ELAVL2: variants seen among roughly 807,000 people sequenced by gnomAD.
ELAVL2 encodes ELAV-like protein 2.
In ELAVL2, 4 loss-of-function variants were observed where a neutral mutation model predicts 34.6. The observed-to-expected ratio is 0.12, with a 90% CI of 0.06 to 0.26. ELAVL2 has a LOEUF of 0.26. Among genes scored for constraint, ELAVL2 ranks in the 10% least tolerant of loss-of-function variants. ELAVL2 has a pLI of 1.00. For missense variants in ELAVL2, 432 were observed against 442.8 expected (o/e 0.98, Z 0.22); for synonymous variants, 193 against 154.8 (o/e 1.25, Z -1.83).
At chr9:23,825,446 C>T (rs1306007310) in intron 1 of ELAVL2, among the ~76,000 whole-genome samples, 1 of 152,118 alleles carries the variant, frequency 6.6e-6, no homozygotes, top group Non-Finnish European at 1.5e-5. Flanking sequence ...GTTGCTGAGC[C>T]AAAGTAGAGG....
intron 1 of ELAVL2, among the ~76,000 whole-genome samples, chr9:23,811,194 GA>G (rs945046568): frequency 6.6e-6 from 1 of 151,992 alleles, no homozygotes; most frequent in Non-Finnish European, 1.5e-5. Context: ...AACTGTTTGG[GA>G]AAAAATTTTT....
At chr9:23,714,593 T>C (rs2041834880) in intron 3 of ELAVL2, among the ~76,000 whole-genome samples, 1 of 152,234 alleles carries the variant, frequency 6.6e-6, no homozygotes, top group South Asian at 2.1e-4. Flanking sequence ...AACCTCTCAC[T>C]ACCTCAATTC....
chr9:23,842,831 A>C, the ELAVL2 span, among the ~76,000 whole-genome samples: 1 of 152,132 alleles, frequency 6.6e-6, no homozygotes, highest in Non-Finnish European at 1.5e-5. Context: ...CACTGGCTAC[A>C]TATCAGTGTT....
intron 4 of ELAVL2, among the ~76,000 whole-genome samples, chr9:23,702,144 G>C (rs2037477569): frequency 6.6e-6 from 1 of 152,132 alleles, no homozygotes; most frequent in South Asian, 2.1e-4. Flanking sequence ...TAATAATATT[G>C]CATAGGATAT....
chr9:23,786,650 T>C (rs1250686261), intron 1 of ELAVL2, among the ~76,000 whole-genome samples: 1 of 151,972 alleles, frequency 6.6e-6, no homozygotes, highest in Non-Finnish European at 1.5e-5. Flanking sequence ...TATAAGAAGC[T>C]TGGAGGAAAA....
chr9:23,789,680 G>C (rs112509299), intron 1 of ELAVL2, among the ~76,000 whole-genome samples: 1 of 152,088 alleles, frequency 6.6e-6, no homozygotes, highest in Non-Finnish European at 1.5e-5. Flanking sequence ...CCCACAATCT[G>C]AATGGCAAGA....
intron 2 of ELAVL2, among the ~76,000 whole-genome samples, chr9:23,761,085 C>G (rs1390189752): frequency 6.6e-6 from 1 of 152,058 alleles, no homozygotes; most frequent in African/African-American, 2.4e-5. Flanking sequence ...GACTCCTGGT[C>G]TCATTCTTCA....
At chr9:23,741,765 G>A (rs1178098541) in intron 2 of ELAVL2, among the ~76,000 whole-genome samples, 1 of 136,098 alleles carries the variant, frequency 7.3e-6, no homozygotes, top group Non-Finnish European at 1.6e-5. Flanking sequence ...ACTTCTGCAC[G>A]TCTCCCATAC....
chr9:23,786,163 A>G (rs2059652409), intron 1 of ELAVL2, among the ~76,000 whole-genome samples: 1 of 152,228 alleles, frequency 6.6e-6, no homozygotes, highest in Non-Finnish European at 1.5e-5. Flanking sequence ...AATTGCTGTG[A>G]AAGCCCACAT....
At chr9:23,760,312 C>T (rs2054667875) in intron 2 of ELAVL2, among the ~76,000 whole-genome samples, 1 of 151,864 alleles carries the variant, frequency 6.6e-6, no homozygotes, top group African/African-American at 2.4e-5. Context: ...CATAACAAAA[C>T]ATGACTTTTG....
intron 3 of ELAVL2, among the ~76,000 whole-genome samples, chr9:23,729,860 C>T (rs2046126874): frequency 6.6e-6 from 1 of 151,994 alleles, no homozygotes. Context: ...ACAAAAATGA[C>T]ACTTCATTTC....
At position 23,724,566 on chromosome 9, in the gene ELAVL2, A is replaced by G. The variant is rs535101882; in HGVS notation, c.333+6456T>C. On this transcript the variant is annotated intron_variant, in intron 3 of 6. Transcript: ENST00000397312. ...AAAGCTGACAAGAGAGCATTCTACA[A>G]AACACATGAAGGGCATTATACAAAT... 2.1e-4 allele frequency among the ~76,000 whole-genome samples: 32 copies of G among 152,320 alleles called. No homozygotes were observed. In the South Asian group the frequency reaches 6.4e-3, roughly 31 times the overall value.
At chr9:23,739,382 C>T (rs940006104) in intron 2 of ELAVL2, among the ~76,000 whole-genome samples, 2 of 152,138 alleles carry the variant, frequency 1.3e-5, no homozygotes, top group Non-Finnish European at 2.9e-5. Context: ...GCCAAAATAC[C>T]TTCAGATAGC....
In ELAVL2 at chr9:23,690,954, C is replaced by T. The variant is rs913066960; in HGVS notation, c.*1603G>A. 7.2e-5 allele frequency: 11 copies of T among 152,472 alleles called. No individual in the cohort carries two copies. Among genetic ancestry groups the T allele is most frequent in the South Asian group, 2.1e-4 (1 of 4,818 alleles). 9.4% of individuals were successfully genotyped at this position (152,472 alleles called of 1,614,324 possible). A position where few individuals can be genotyped will look rare whatever the true frequency, so the allele number is the denominator to read the frequency against. On this transcript the variant is annotated 3_prime_UTR_variant, in exon 7 of 7. Transcript: ENST00000397312. ...ATCATACAAAGTTAAATTTCAATAG[C>T]ATACAGATATTTATGATTTTTGTAT...
chr9:23,836,786 A>G, the ELAVL2 span, among the ~76,000 whole-genome samples: 1 of 152,166 alleles, frequency 6.6e-6, no homozygotes, highest in African/African-American at 2.4e-5. Context: ...GCTACAAAGC[A>G]TAGGAAATCA....
intron 1 of ELAVL2, among the ~76,000 whole-genome samples, chr9:23,795,341 C>T (rs1334261157): frequency 1.3e-5 from 2 of 152,098 alleles, no homozygotes; most frequent in Middle Eastern, 3.4e-3. Flanking sequence ...GTCAGGAGTT[C>T]GAGAACAGCG....
At chr9:23,820,544 G>A (rs1487390248) in intron 1 of ELAVL2, among the ~76,000 whole-genome samples, 2 of 152,202 alleles carry the variant, frequency 1.3e-5, no homozygotes, top group Non-Finnish European at 2.9e-5. Flanking sequence ...CATCTGGGCA[G>A]CTACAACTGC....
upstream of ELAVL2, among the ~76,000 whole-genome samples, chr9:23,829,036 TG>T (rs2065418017): frequency 6.6e-6 from 1 of 152,222 alleles, no homozygotes; most frequent in Admixed American, 6.5e-5. Context: ...ACTCATAGTT[TG>T]GTAAAAGAAT....
At chr9:23,752,431 G>C (rs541015507) in intron 2 of ELAVL2, among the ~76,000 whole-genome samples, 18 of 151,970 alleles carry the variant, frequency 1.2e-4, no homozygotes, top group African/African-American at 3.4e-4. Context: ...TGTACACAGG[G>C]GTTTAGTAAA....
Sources: allele counts gnomAD v4.1 joint callset (sites outside exome capture counted in the v4.1 genomes callset), GRCh38; gene constraint gnomAD v4.1.1; transcripts MANE v1.5; gene names NCBI Gene and HGNC (gene_info 2026-07-23, HGNC 2026-07-21).